Variants in CCDC146 observed in about 807,000 individuals in gnomAD.
CCDC146 encodes coiled-coil domain containing 146.
CCDC146 carries 92 observed loss-of-function variants against 119.3 expected under a neutral mutation model. The observed-to-expected ratio is 0.77, with a 90% CI of 0.65 to 0.92. The LOEUF (loss-of-function observed/expected upper bound fraction) is 0.92. Ranked by LOEUF, CCDC146 falls within the 40% of genes least tolerant of loss-of-function variation. The pLI is 0.00. For synonymous variants in CCDC146, 372 were observed against 371.8 expected, an observed-to-expected ratio of 1.00 and a Z score of -0.01; for missense variants, 1,000 against 1,103.0, an observed-to-expected ratio of 0.91 and a Z score of 1.32.
In CCDC146 at chr7:77,218,055, G is replaced by A. The variant is rs553308349; in HGVS notation, c.157-18892G>A. On this transcript the variant is annotated intron_variant, in intron 2 of 18. Coordinates refer to ENST00000285871, the MANE Select transcript of CCDC146 (RefSeq NM_020879.3). Reference sequence around the variant, plus strand: ...TAATAAGTTTGTTTACACCAACATCGCTACAACCACATGACCAATGTGTTG... The same window carrying A: ...TAATAAGTTTGTTTACACCAACATCACTACAACCACATGACCAATGTGTTG... Among the ~76,000 whole-genome samples, 8 of 152,044 alleles carry A rather than the reference G, an allele frequency of 5.3e-5. 1 individual carries two copies. The highest frequency in any genetic ancestry group is 2.6e-4 in the Admixed American group (4 of 15,264).
intron 1 of CCDC146, among the ~76,000 whole-genome samples, chr7:77,139,048 A>T (rs1180654735): frequency 6.6e-6 from 1 of 152,238 alleles, no homozygotes; most frequent in Non-Finnish European, 1.5e-5. Flanking sequence ...TCCATATAAA[A>T]ATCTGCACAT....
intron 4 of CCDC146, among the ~76,000 whole-genome samples, chr7:77,244,028 C>T (rs1792899248): frequency 6.6e-6 from 1 of 152,174 alleles, no homozygotes; most frequent in South Asian, 2.1e-4. Context: ...CAGATGCCCA[C>T]CACCATGCCC....
intron 2 of CCDC146, chr7:77,198,913 C>A: frequency 2.1e-6 from 1 of 479,420 alleles, no homozygotes; most frequent in Non-Finnish European, 3.7e-6. Flanking sequence ...CTCTCTACTT[C>A]TGCTTGCAAG....
chr7:77,205,468 G>A (rs1232159382), intron 2 of CCDC146, among the ~76,000 whole-genome samples: 1 of 152,118 alleles, frequency 6.6e-6, no homozygotes, highest in East Asian at 1.9e-4. Flanking sequence ...GCCATCTGGA[G>A]CTTAAGAACT....
chr7:77,199,494 C>T (rs1791943066), intron 2 of CCDC146: 1 of 1,614,092 alleles, frequency 6.2e-7, no homozygotes, highest in South Asian at 1.1e-5. Context: ...CAGCCTGCAG[C>T]TTGCAGTCTT....
chr7:77,259,035 G>T lies in CCDC146; in HGVS notation c.725G>T (p.Gly242Val). Reference sequence around the variant, plus strand: ...CATCAAACCATTCCAGTACAAATTGGAAAAGAGATAGAAAAAATAACACGC... The same window carrying T: ...CATCAAACCATTCCAGTACAAATTGTAAAAGAGATAGAAAAAATAACACGC... ...AHHQTIPVQIGKEIEKITRKK... is the reference protein window; with the variant it reads ...AHHQTIPVQIVKEIEKITRKK... Residue 242 changes from glycine to valine, a missense_variant, in exon 7 of 19, where the codon GGA (glycine) becomes GTA (valine). Gly to Val is a moderately radical substitution (Grantham distance 109). Coordinates refer to ENST00000285871, the MANE Select transcript of CCDC146 (RefSeq NM_020879.3). The T allele has an allele frequency of 6.2e-7, 1 of 1,611,816 alleles. No individual in the cohort carries two copies. Among genetic ancestry groups the T allele is most frequent in the Non-Finnish European group, 8.5e-7 (1 of 1,178,510 alleles).
At chr7:77,142,380 T>C (rs1296137580) in intron 1 of CCDC146, among the ~76,000 whole-genome samples, 1 of 151,900 alleles carries the variant, frequency 6.6e-6, no homozygotes, top group Non-Finnish European at 1.5e-5. Flanking sequence ...GTGCACAACG[T>C]GCAGGTTTGT....
intron 2 of CCDC146, among the ~76,000 whole-genome samples, chr7:77,188,013 G>A (rs1393840004): frequency 6.6e-6 from 1 of 152,144 alleles, no homozygotes; most frequent in Non-Finnish European, 1.5e-5. Context: ...TCAAAATAAG[G>A]CAAATGCCGA....
chr7:77,131,556 A>G (rs1251575382), intron 1 of CCDC146, among the ~76,000 whole-genome samples: 1 of 152,000 alleles, frequency 6.6e-6, no homozygotes, highest in South Asian at 2.1e-4. Flanking sequence ...CGTCTCTACT[A>G]AAAATACAAA....
At chr7:77,221,483 A>T (rs1339014992) in intron 2 of CCDC146, among the ~76,000 whole-genome samples, 1 of 152,186 alleles carries the variant, frequency 6.6e-6, no homozygotes, top group African/African-American at 2.4e-5. Flanking sequence ...TAGTTCTATG[A>T]GTGGCCCAAA....
At chr7:77,235,286 C>T (rs74551303) in intron 2 of CCDC146, among the ~76,000 whole-genome samples, 1,703 of 152,234 alleles carry the variant, frequency 0.011, 32 homozygotes, top group African/African-American at 0.038. Flanking sequence ...TGTTATGAAG[C>T]TCAGCGTTCT....
chr7:77,159,197 A>G (rs1791221888), intron 1 of CCDC146, among the ~76,000 whole-genome samples: 1 of 152,094 alleles, frequency 6.6e-6, no homozygotes, highest in South Asian at 2.1e-4. Context: ...AGTAATTTTA[A>G]GTATACAATA....
intron 11 of CCDC146, 65 bp downstream of exon 11, chr7:77,274,717 C>G: frequency 1.6e-6 from 2 of 1,265,420 alleles, no homozygotes; most frequent in Non-Finnish European, 2.2e-6. Flanking sequence ...CATTATAATG[C>G]CACGTGCATT....
intron 17 of CCDC146, among the ~76,000 whole-genome samples, chr7:77,291,230 G>T (rs986254655): frequency 6.6e-6 from 1 of 152,138 alleles, no homozygotes; most frequent in Non-Finnish European, 1.5e-5. Flanking sequence ...CCAGGTAGAA[G>T]GTATCACCAC....
chr7:77,228,071 T>C (rs1792550516), intron 2 of CCDC146, among the ~76,000 whole-genome samples: 1 of 152,254 alleles, frequency 6.6e-6, no homozygotes, highest in East Asian at 1.9e-4. Context: ...CACTTGCTGC[T>C]TCCTTTTAGT....
At position 77,141,099 on chromosome 7, in the gene CCDC146, G is replaced by A. The variant is rs1484700551; in HGVS notation, c.-12+18367G>A. Among the ~76,000 whole-genome samples the A allele has an allele frequency of 1.4e-4, 21 of 152,058 alleles. 1 individual carries two copies. The highest frequency in any genetic ancestry group is 5.9e-5 in the Non-Finnish European group (4 of 68,002). ...CACACCCCCTGACAGGCCTCGGTGTGTGATGTTCCCCTCCCTGTGTCCCTG... is the reference window on the plus strand; with the variant it reads ...CACACCCCCTGACAGGCCTCGGTGTATGATGTTCCCCTCCCTGTGTCCCTG... On this transcript the variant is annotated intron_variant, in intron 1 of 18. Transcript: ENST00000285871.
chr7:77,220,412 T>C (rs1792381330), intron 2 of CCDC146, among the ~76,000 whole-genome samples: 1 of 152,194 alleles, frequency 6.6e-6, no homozygotes, highest in Non-Finnish European at 1.5e-5. Context: ...TTACAAACAA[T>C]TTGTACAGAT....
At chr7:77,126,778 AG>A (rs1402648345) in intron 1 of CCDC146, among the ~76,000 whole-genome samples, 1 of 151,966 alleles carries the variant, frequency 6.6e-6, no homozygotes, top group Non-Finnish European at 1.5e-5. Context: ...TGGACCTCAG[AG>A]GGGAGGAAGT....
At chr7:77,181,425 A>T (rs1791587233) in intron 2 of CCDC146, among the ~76,000 whole-genome samples, 1 of 152,064 alleles carries the variant, frequency 6.6e-6, no homozygotes, top group African/African-American at 2.4e-5. Flanking sequence ...GGAGATGAAG[A>T]AGGCAGGTGA....
Sources: allele counts gnomAD v4.1 joint callset (sites outside exome capture counted in the v4.1 genomes callset), GRCh38; gene constraint gnomAD v4.1.1; transcripts MANE v1.5; gene names NCBI Gene and HGNC (gene_info 2026-07-23, HGNC 2026-07-21).